The following RFC3 variants were observed in gnomAD, a reference collection of about 807,000 sequenced individuals.
RFC3 encodes the protein replication factor C subunit 3.
A neutral mutation model predicts 45.1 loss-of-function variants in RFC3; 41 were observed. The observed-to-expected ratio is 0.91, with a 90% confidence interval of 0.71 to 1.18. The LOEUF is 1.18. RFC3 is among the 50% of genes most tolerant of loss of function. The pLI is 0.00. For missense variants in RFC3, 423 were observed against 428.1 expected (o/e 0.99, Z 0.10); for synonymous variants, 149 against 144.0 (o/e 1.03, Z -0.25).
chr13:33,821,915 T>C (rs539461284), intron 2 of RFC3, among the ~76,000 whole-genome samples: 3 of 152,372 alleles, frequency 2.0e-5, no homozygotes, highest in Non-Finnish European at 4.4e-5. Context: ...GCTTTGGTTG[T>C]AGTAGTTTAT....
At chr13:33,835,793 TTG>T (rs2082148175) in intron 8 of RFC3, among the ~76,000 whole-genome samples, 2 of 152,154 alleles carry the variant, frequency 1.3e-5, no homozygotes, top group African/African-American at 2.4e-5. Context: ...GAACTTTAGG[TTG>T]TCTACAAATT....
intron 7 of RFC3, among the ~76,000 whole-genome samples, chr13:33,833,990 G>T (rs770390103): frequency 2.0e-5 from 3 of 152,070 alleles, no homozygotes; most frequent in African/African-American, 4.8e-5. Flanking sequence ...GAGTAAGAAA[G>T]ATAGATCTGT....
chr13:33,937,121 C>T (rs117584834), intron 8 of RFC3, among the ~76,000 whole-genome samples: 74 of 152,144 alleles, frequency 4.9e-4, no homozygotes, highest in African/African-American at 1.1e-3. Context: ...TTCAGATACG[C>T]GAGGGATCAG....
chr13:33,891,139 G>C (rs1417920611), intron 8 of RFC3, among the ~76,000 whole-genome samples: 1 of 152,074 alleles, frequency 6.6e-6, no homozygotes, highest in African/African-American at 2.4e-5. Context: ...TAAAAAATAA[G>C]AAACTAAGCA....
At chr13:33,819,867 T>A (rs1407608735) in intron 1 of RFC3, among the ~76,000 whole-genome samples, 2 of 152,218 alleles carry the variant, frequency 1.3e-5, no homozygotes, top group African/African-American at 4.8e-5. Flanking sequence ...AGCATAACCC[T>A]TATTTTTGAT....
At chr13:33,897,117 C>A (rs901558370) in intron 8 of RFC3, among the ~76,000 whole-genome samples, 10 of 152,102 alleles carry the variant, frequency 6.6e-5, no homozygotes, top group African/African-American at 2.2e-4. Flanking sequence ...TACTCTAATA[C>A]TGTAACTATA....
intron 2 of RFC3, among the ~76,000 whole-genome samples, chr13:33,822,116 T>C (rs1438766327): frequency 5.3e-5 from 8 of 152,214 alleles, no homozygotes; most frequent in Non-Finnish European, 1.5e-5. Context: ...AGGCTAATGT[T>C]GATTAGCATA....
chr13:33,898,860 A>T (rs2082618972), intron 8 of RFC3, among the ~76,000 whole-genome samples: 1 of 151,798 alleles, frequency 6.6e-6, no homozygotes, highest in South Asian at 2.1e-4. Context: ...AGAGACTGTT[A>T]TGCTATTATG....
At chr13:33,971,611 C>T in the RFC3 span, among the ~76,000 whole-genome samples, 3 of 152,230 alleles carry the variant, frequency 2.0e-5, no homozygotes, top group African/African-American at 7.2e-5. Flanking sequence ...TGTTTGTCCT[C>T]CAATAAAACT....
chr13:33,901,853 C>T (rs1251136940), intron 8 of RFC3, among the ~76,000 whole-genome samples: 1 of 151,498 alleles, frequency 6.6e-6, no homozygotes, highest in African/African-American at 2.4e-5. Flanking sequence ...AAACAAGAAA[C>T]AAAAAAACAA....
chr13:33,921,412 A>C (rs919350688), intron 8 of RFC3, among the ~76,000 whole-genome samples: 6 of 152,154 alleles, frequency 3.9e-5, no homozygotes, highest in African/African-American at 1.4e-4. Flanking sequence ...GAGTGTTCCA[A>C]ACCGAGGGAA....
chr13:33,897,351 AT>A lies in RFC3; in HGVS notation c.879+62135del, dbSNP rs1383727432. Among the ~76,000 whole-genome samples, 10 of 152,140 alleles carry A rather than the reference AT, an allele frequency of 6.6e-5. No homozygotes were observed. The East Asian group carries it at 1.9e-3, about 29-fold the overall frequency. On this transcript the variant is annotated intron_variant, in intron 8 of 8. Transcript: ENST00000434425. ...AAGATAAGTCATCAACTCTTTAAAAATAACTTGTTACATATATGAAATTTTT... is the reference window on the plus strand; with the variant it reads ...AAGATAAGTCATCAACTCTTTAAAAAAACTTGTTACATATATGAAATTTTT...
intron 8 of RFC3, among the ~76,000 whole-genome samples, chr13:33,878,802 G>A (rs2082464310): frequency 6.6e-6 from 1 of 151,940 alleles, no homozygotes; most frequent in East Asian, 1.9e-4. Context: ...GGTTTCTTCT[G>A]TCATCTGTCA....
At chr13:33,966,109 G>A in exon 9 of RFC3, 1 of 1,611,208 alleles carries the variant, frequency 6.2e-7, no homozygotes, top group Non-Finnish European at 8.5e-7. Context: ...GAATCAAGAA[G>A]CTGTGACATA....
intron 8 of RFC3, among the ~76,000 whole-genome samples, chr13:33,900,481 A>G (rs1170075950): frequency 1.3e-5 from 2 of 151,962 alleles, no homozygotes; most frequent in African/African-American, 4.8e-5. Context: ...AACTATCTGC[A>G]GAAGAATGAA....
At chr13:33,841,902 C>T (rs1186443224), downstream of RFC3, among the ~76,000 whole-genome samples, 1 of 152,116 alleles carries the variant, frequency 6.6e-6, no homozygotes, top group Non-Finnish European at 1.5e-5. Flanking sequence ...CAAATATCTT[C>T]CAGCCTTGTG....
chr13:33,877,455 A>G (rs747878689), intron 8 of RFC3, among the ~76,000 whole-genome samples: 1 of 152,208 alleles, frequency 6.6e-6, no homozygotes, highest in Non-Finnish European at 1.5e-5. Flanking sequence ...AGAGCTCACA[A>G]ACATAAACAG....
chr13:33,949,107 C>G (rs1296905726), intron 8 of RFC3, among the ~76,000 whole-genome samples: 2 of 152,028 alleles, frequency 1.3e-5, no homozygotes, highest in African/African-American at 4.8e-5. Context: ...CTCACCTTTC[C>G]CCACGTGTCA....
chr13:33,893,368 A>G (rs934910282), intron 8 of RFC3, among the ~76,000 whole-genome samples: 3 of 152,202 alleles, frequency 2.0e-5, no homozygotes, highest in African/African-American at 7.2e-5. Flanking sequence ...GCACTGAAGA[A>G]TCTCTCAGAA....
Sources: gnomAD v4.1 joint callset for allele counts (sites outside exome capture counted in the v4.1 genomes callset) on GRCh38, gnomAD v4.1.1 for gene constraint, MANE v1.5 for transcripts, NCBI Gene and HGNC (gene_info 2026-07-23, HGNC 2026-07-21) for gene names.